SORBS2: variants seen among roughly 807,000 people sequenced by gnomAD.
SORBS2 encodes the protein sorbin and SH3 domain containing 2.
In SORBS2, 46 loss-of-function variants were observed where a neutral mutation model predicts 97.7. The ratio of observed to expected loss-of-function variants is 0.47; its 90% CI spans 0.37 to 0.60. SORBS2 has a LOEUF of 0.60. Ranked by LOEUF, SORBS2 falls within the 20% of genes least tolerant of loss-of-function variation. The pLI is 0.00. For missense variants in SORBS2, 1,316 were observed against 1,282.3 expected (o/e 1.03, Z -0.40); for synonymous variants, 476 against 473.4 (o/e 1.01, Z -0.07).
chr4:185,620,074 G>A, exon 8 of SORBS2: 1 of 1,602,574 alleles, frequency 6.2e-7, no homozygotes, highest in Non-Finnish European at 8.6e-7. Flanking sequence ...TCTTTTTCTG[G>A]AGTTCCTCTT....
chr4:185,865,687 T>C (rs1011788462), intron 1 of SORBS2, among the ~76,000 whole-genome samples: 5 of 152,168 alleles, frequency 3.3e-5, no homozygotes, highest in African/African-American at 7.2e-5. Context: ...GACGTTTCCT[T>C]CCACTTTAAG....
At chr4:185,935,336 A>G (rs201850132) in intron 1 of SORBS2, among the ~76,000 whole-genome samples, 9 of 152,256 alleles carry the variant, frequency 5.9e-5, no homozygotes, top group African/African-American at 2.2e-4. Flanking sequence ...ATGCTTAAAT[A>G]TCACTTATCT....
rs549506862 is a variant in SORBS2 at position 185,606,510 on chromosome 4, T to C, written c.2796+5270A>G. The C allele has an allele frequency of 2.0e-5, 20 of 983,456 alleles. No homozygotes were observed. Among genetic ancestry groups the C allele is most frequent in the Non-Finnish European group, 2.4e-5 (20 of 828,120 alleles). The allele number at this position is 983,456 out of a possible 1,614,324, so 60.9% of individuals were successfully genotyped here. ...ATCTGTTAGTCAAAATAGGTATTTA[T>C]TAATATGATTAACTCTAATAGCTAA... is the stretch of plus-strand genomic sequence containing the variant. On this transcript the variant is annotated intron_variant, in intron 12 of 14. Coordinates refer to ENST00000418609, the Ensembl canonical transcript of SORBS2. The surrounding 1 kb of genome is among the most constrained non-coding windows in gnomAD (Gnocchi z 4.3).
chr4:185,758,597 C>G (rs916684366), intron 2 of SORBS2, among the ~76,000 whole-genome samples: 5 of 152,178 alleles, frequency 3.3e-5, no homozygotes, highest in African/African-American at 7.2e-5. Flanking sequence ...CCACCCATTC[C>G]AGGCACCTTC....
intron 2 of SORBS2, 138 bp from the exon 12 acceptor site, chr4:185,649,794 C>T (rs1329074588): frequency 6.8e-6 from 3 of 444,344 alleles, no homozygotes; most frequent in Admixed American, 4.4e-5. Context: ...ATAATGCATA[C>T]ATTAGAAGGT....
intron 1 of SORBS2, among the ~76,000 whole-genome samples, chr4:185,949,817 C>A (rs1014925087): frequency 6.6e-6 from 1 of 152,136 alleles, no homozygotes; most frequent in African/African-American, 2.4e-5. Flanking sequence ...ACAACAATAG[C>A]ATCCTCACAA....
At chr4:185,856,211 G>C (rs1035452774) in intron 1 of SORBS2, among the ~76,000 whole-genome samples, 6 of 152,132 alleles carry the variant, frequency 3.9e-5, no homozygotes, top group African/African-American at 1.4e-4. Context: ...TCATGCAGTA[G>C]AAAGATCATG....
chr4:185,778,618 C>T (rs1002717973), intron 1 of SORBS2, among the ~76,000 whole-genome samples: 11 of 152,106 alleles, frequency 7.2e-5, no homozygotes, highest in African/African-American at 2.7e-4. Context: ...ACCCCGGCCC[C>T]GCCCCTAGAG....
At chr4:185,598,634 AATATAAGC>A (rs1202342755) in intron 12 of SORBS2, among the ~76,000 whole-genome samples, 1 of 152,252 alleles carries the variant, frequency 6.6e-6, no homozygotes, top group Non-Finnish European at 1.5e-5. Flanking sequence ...CTCTGAAAGC[AATATAAGC>A]AGTGCTAAAG....
intron 3 of SORBS2, among the ~76,000 whole-genome samples, chr4:185,648,479 T>G (rs1457765888): frequency 6.8e-6 from 1 of 147,078 alleles, no homozygotes; most frequent in African/African-American, 2.5e-5. Context: ...AGAGTGAGAC[T>G]CCATTTAAAA....
At chr4:185,595,046 C>T (rs1324440367) in intron 12 of SORBS2, among the ~76,000 whole-genome samples, 1 of 152,142 alleles carries the variant, frequency 6.6e-6, no homozygotes, top group East Asian at 1.9e-4. Flanking sequence ...CCCACTGATC[C>T]AAGCTTGGAT....
intron 7 of SORBS2, among the ~76,000 whole-genome samples, chr4:185,622,527 T>G (rs2096734689): frequency 6.6e-6 from 1 of 152,238 alleles, no homozygotes; most frequent in African/African-American, 2.4e-5. Context: ...AATATAAAGT[T>G]TTAACGTTAA....
intron 1 of SORBS2, among the ~76,000 whole-genome samples, chr4:185,801,571 G>A (rs1000564124): frequency 2.0e-5 from 3 of 152,178 alleles, no homozygotes; most frequent in African/African-American, 7.2e-5. Flanking sequence ...GATGCTTAGT[G>A]ATGTTGAGCA....
At chr4:185,655,500 A>G (rs2097384123) in intron 1 of SORBS2, among the ~76,000 whole-genome samples, 1 of 152,228 alleles carries the variant, frequency 6.6e-6, no homozygotes, top group Non-Finnish European at 1.5e-5. Context: ...GAGAGTCCTC[A>G]TAGACCTGGA....
At chr4:185,615,331 CT>C in intron 9 of SORBS2, 172 bp from the exon 22 acceptor site, 1 of 594,994 alleles carries the variant, frequency 1.7e-6, no homozygotes, top group East Asian at 2.8e-5. Flanking sequence ...TTAGAATGCA[CT>C]TAAAACATTA....
intron 1 of SORBS2, among the ~76,000 whole-genome samples, chr4:185,835,027 C>T (rs912750842): frequency 6.6e-6 from 1 of 152,106 alleles, no homozygotes; most frequent in African/African-American, 2.4e-5. Context: ...GAGTGAGTTC[C>T]CTGGAGATCT....
At chr4:185,854,433 C>T (rs1328326088) in intron 1 of SORBS2, among the ~76,000 whole-genome samples, 1 of 152,162 alleles carries the variant, frequency 6.6e-6, no homozygotes, top group Non-Finnish European at 1.5e-5. Flanking sequence ...CTACAGCTCA[C>T]TGTCTCAGGG....
chr4:185,776,470 T>C (rs2099000081), intron 1 of SORBS2, among the ~76,000 whole-genome samples: 1 of 152,198 alleles, frequency 6.6e-6, no homozygotes, highest in African/African-American at 2.4e-5. Context: ...AGTATGTTTA[T>C]GAACGCTTTC....
intron 4 of SORBS2, among the ~76,000 whole-genome samples, chr4:185,671,784 A>G (rs2097716212): frequency 6.6e-6 from 1 of 152,198 alleles, no homozygotes; most frequent in Non-Finnish European, 1.5e-5. Context: ...GGTATTAGAA[A>G]TTCTTTCCAA....
Sources: gnomAD v4.1 joint callset for allele counts (sites outside exome capture counted in the v4.1 genomes callset) on GRCh38, gnomAD v4.1.1 for gene constraint, Gnocchi (gnomAD v3.1) non-coding constraint, MANE v1.5 for transcripts, NCBI Gene and HGNC (gene_info 2026-07-23, HGNC 2026-07-21) for gene names.